The following FILIP1 variants were observed in gnomAD, a reference collection of about 807,000 sequenced individuals.
FILIP1 encodes filamin-A-interacting protein 1.
A neutral mutation model predicts 102.1 loss-of-function variants in FILIP1; 61 were observed. The ratio of observed to expected loss-of-function variants is 0.60; its 90% CI spans 0.49 to 0.74. The LOEUF (loss-of-function observed/expected upper bound fraction) is 0.74, where lower values mean the gene tolerates loss of function less well. FILIP1 is among the 30% of genes least tolerant of loss of function. FILIP1 has a pLI of 0.00. For missense variants in FILIP1, 1,314 were observed against 1,441.2 expected (o/e 0.91, Z 1.43); for synonymous variants, 491 against 526.9 (o/e 0.93, Z 0.93).
chr6:75,411,926 A>G (rs898045377), intron 2 of FILIP1, among the ~76,000 whole-genome samples: 1 of 152,144 alleles, frequency 6.6e-6, no homozygotes, highest in African/African-American at 2.4e-5. Flanking sequence ...TATGGAATTT[A>G]GAGTAGTTTT....
chr6:75,329,194 T>C (rs1193759498), intron 4 of FILIP1, among the ~76,000 whole-genome samples: 1 of 152,198 alleles, frequency 6.6e-6, no homozygotes, highest in Admixed American at 6.5e-5. Context: ...TTGGAACACT[T>C]GTCAATCTGT....
chr6:75,335,812 A>G (rs1304089687), intron 4 of FILIP1, among the ~76,000 whole-genome samples: 1 of 152,302 alleles, frequency 6.6e-6, no homozygotes, highest in African/African-American at 2.4e-5. Flanking sequence ...ATGGCATAGA[A>G]AAGAATATGA....
chr6:75,455,704 T>G (rs1267957732), intron 1 of FILIP1, among the ~76,000 whole-genome samples: 1 of 152,188 alleles, frequency 6.6e-6, no homozygotes, highest in Non-Finnish European at 1.5e-5. Flanking sequence ...TCAAGGGCTC[T>G]CCACTGCCCA....
chr6:75,332,377 G>C (rs1774112434), intron 4 of FILIP1, among the ~76,000 whole-genome samples: 1 of 152,120 alleles, frequency 6.6e-6, no homozygotes, highest in Non-Finnish European at 1.5e-5. Context: ...TGTATAATCA[G>C]CCAGGTGAAT....
At chr6:75,321,234 T>G (rs1773642733) in intron 4 of FILIP1, among the ~76,000 whole-genome samples, 1 of 152,002 alleles carries the variant, frequency 6.6e-6, no homozygotes, top group African/African-American at 2.4e-5. Flanking sequence ...TTTTGTTTTG[T>G]TTTTTGTTTT....
chr6:75,457,391 T>C (rs1185687419), intron 1 of FILIP1, among the ~76,000 whole-genome samples: 2 of 152,128 alleles, frequency 1.3e-5, no homozygotes, highest in Non-Finnish European at 2.9e-5. Flanking sequence ...AAAGGAGGAG[T>C]GAACTACCTG....
chr6:75,470,192 G>A (rs1779289663), intron 1 of FILIP1, among the ~76,000 whole-genome samples: 1 of 152,036 alleles, frequency 6.6e-6, no homozygotes, highest in Non-Finnish European at 1.5e-5. Context: ...CTATAACTAA[G>A]AAGAGAGTTC....
chr6:75,315,409 G>T (rs1451072020), intron 4 of FILIP1, among the ~76,000 whole-genome samples: 6 of 152,192 alleles, frequency 3.9e-5, no homozygotes, highest in African/African-American at 1.4e-4. Context: ...GGGGCATGAG[G>T]AGGGCTTTGA....
At chr6:75,418,393 A>G (rs1777342380) in intron 1 of FILIP1, among the ~76,000 whole-genome samples, 2 of 152,262 alleles carry the variant, frequency 1.3e-5, no homozygotes, top group Non-Finnish European at 1.5e-5. Context: ...TGAATCATTC[A>G]AAAGTCTTCC....
chr6:75,488,068 A>G (rs1779843973), intron 1 of FILIP1, among the ~76,000 whole-genome samples: 1 of 152,188 alleles, frequency 6.6e-6, no homozygotes, highest in Non-Finnish European at 1.5e-5. Context: ...CAGGCCTCAG[A>G]AACACATAAA....
chr6:75,327,052 T>C lies in FILIP1; in HGVS notation c.630-11850A>G, dbSNP rs192445647. 6.8e-4 allele frequency among the ~76,000 whole-genome samples: 104 copies of C among 152,238 alleles called. 1 individual carries two copies. The South Asian group carries it at 0.015, about 22-fold the overall frequency. ...CAGTAGCGTGGACATTGTCATTCAA[T>C]TAGCTGTGAGCCCACTGAGCTGTTC... is the stretch of plus-strand genomic sequence containing the variant. On this transcript the variant is annotated intron_variant, in intron 4 of 5. Transcript: ENST00000237172.
At chr6:75,391,042 T>G (rs184141721) in intron 2 of FILIP1, among the ~76,000 whole-genome samples, 1 of 152,254 alleles carries the variant, frequency 6.6e-6, no homozygotes, top group East Asian at 1.9e-4. Context: ...ATCTGTAATT[T>G]CAGGTCTCCA....
rs538887240 is a variant in FILIP1 at position 75,373,615 on chromosome 6, A to G, written c.277-10698T>C. On this transcript the variant is annotated intron_variant, in intron 2 of 5. Coordinates refer to ENST00000237172, the MANE Select transcript of FILIP1 (RefSeq NM_015687.5). ...CCACCACGCCTGGCCAACAATTTAA[A>G]AAAATTTAAGTATACATTCACCTGC... Among the ~76,000 whole-genome samples the G allele has an allele frequency of 5.9e-5, 9 of 151,318 alleles. No individual in the cohort carries two copies. The East Asian group carries it at 1.5e-3, about 26-fold the overall frequency.
intron 2 of FILIP1, among the ~76,000 whole-genome samples, chr6:75,386,573 C>G (rs531801667): frequency 1.0e-3 from 157 of 152,246 alleles, no homozygotes; most frequent in African/African-American, 3.6e-3. Flanking sequence ...TCACATTCAG[C>G]GGGATGAGTT....
At chr6:75,441,491 T>C (rs1778225260) in intron 1 of FILIP1, among the ~76,000 whole-genome samples, 2 of 152,036 alleles carry the variant, frequency 1.3e-5, no homozygotes, top group Admixed American at 6.5e-5. Flanking sequence ...CAATGAGCTG[T>C]TGGGTACACC....
At chr6:75,296,626 A>C (rs1226470465) in intron 6 of FILIP1, 1 of 150,758 alleles carries the variant, frequency 6.6e-6, no homozygotes, top group Non-Finnish European at 1.5e-5. Flanking sequence ...CAGCCTCCCC[A>C]GTAGCTGGGA....
chr6:75,446,744 G>C (rs898212436), intron 1 of FILIP1, among the ~76,000 whole-genome samples: 4 of 152,110 alleles, frequency 2.6e-5, no homozygotes, highest in African/African-American at 9.7e-5. Context: ...GGAAAATGAT[G>C]ACTCTTTCAT....
chr6:75,302,770 T>C (rs1772871633), intron 6 of FILIP1, among the ~76,000 whole-genome samples: 1 of 152,050 alleles, frequency 6.6e-6, no homozygotes, highest in South Asian at 2.1e-4. Flanking sequence ...CTATGAGTAA[T>C]AAGGAACTTT....
intron 5 of FILIP1, among the ~76,000 whole-genome samples, chr6:75,311,831 G>T (rs1170096036): frequency 1.3e-5 from 2 of 152,152 alleles, no homozygotes; most frequent in East Asian, 3.8e-4. Context: ...TATGAAGCAC[G>T]TGCTGTCTGC....
Sources: allele counts gnomAD v4.1 joint callset (sites outside exome capture counted in the v4.1 genomes callset), GRCh38; gene constraint gnomAD v4.1.1; transcripts MANE v1.5; gene names NCBI Gene and HGNC (gene_info 2026-07-23, HGNC 2026-07-21).